The following ZSWIM6 variants were observed in gnomAD, a reference collection of about 807,000 sequenced individuals.
ZSWIM6 encodes the protein zinc finger SWIM domain-containing protein 6.
ZSWIM6 carries 9 observed loss-of-function variants against 113.2 expected under a neutral mutation model. That is an observed-to-expected ratio of 0.08 (90% confidence interval 0.05 to 0.14). ZSWIM6 has a LOEUF of 0.14. Among genes scored for constraint, ZSWIM6 ranks in the 10% least tolerant of loss-of-function variants. The pLI, the probability that ZSWIM6 is intolerant of heterozygous loss-of-function variation, is 1.00. For missense variants in ZSWIM6, 1,162 were observed against 1,552.2 expected (o/e 0.75, Z 4.22); for synonymous variants, 611 against 606.5 (o/e 1.01, Z -0.11).
chr5:61,352,685 G>C (rs147564246), intron 1 of ZSWIM6, among the ~76,000 whole-genome samples: 1 of 152,200 alleles, frequency 6.6e-6, no homozygotes, highest in African/African-American at 2.4e-5. Flanking sequence ...TTTAAGAAAC[G>C]GTATGCTATT....
intron 1 of ZSWIM6, among the ~76,000 whole-genome samples, chr5:61,409,925 A>G (rs1746121055): frequency 6.6e-6 from 1 of 152,206 alleles, no homozygotes; most frequent in African/African-American, 2.4e-5. Flanking sequence ...AGTTAATTTA[A>G]TTGATTTGAG....
At chr5:61,491,822 T>C (rs1299678039) in intron 3 of ZSWIM6, among the ~76,000 whole-genome samples, 1 of 152,016 alleles carries the variant, frequency 6.6e-6, no homozygotes, top group Non-Finnish European at 1.5e-5. Context: ...AGTTTTTTTT[T>C]TAGTTCAAAA....
chr5:61,418,037 A>G (rs974689696), intron 1 of ZSWIM6, among the ~76,000 whole-genome samples: 1 of 152,300 alleles, frequency 6.6e-6, no homozygotes, highest in Middle Eastern at 3.4e-3. Context: ...GCAGAGGTCT[A>G]AATATCTAGT....
chr5:61,462,459 G>A (rs920253721), intron 1 of ZSWIM6, among the ~76,000 whole-genome samples: 3 of 152,160 alleles, frequency 2.0e-5, no homozygotes, highest in African/African-American at 4.8e-5. Flanking sequence ...TTTTTAAAAT[G>A]TGCTATGTAA....
intron 4 of ZSWIM6, among the ~76,000 whole-genome samples, chr5:61,504,213 G>A (rs1341555374): frequency 1.3e-5 from 2 of 152,080 alleles, no homozygotes; most frequent in African/African-American, 4.8e-5. Context: ...CCACCCATGT[G>A]CACAATATTC....
chr5:61,369,010 C>A (rs557959645), intron 1 of ZSWIM6, among the ~76,000 whole-genome samples: 159 of 152,300 alleles, frequency 1.0e-3, no homozygotes, highest in Admixed American at 1.5e-3. Flanking sequence ...TTGAAAGATA[C>A]AAAGAAAGGT....
chr5:61,526,563 T>C (rs1580063619), intron 7 of ZSWIM6, among the ~76,000 whole-genome samples, 167 bp downstream of exon 7: 1 of 150,474 alleles, frequency 6.6e-6, no homozygotes, highest in Admixed American at 6.6e-5. Flanking sequence ...GGGGCATCTT[T>C]TTCTTAGTTG....
chr5:61,486,448 G>T (rs1427509959), intron 2 of ZSWIM6, among the ~76,000 whole-genome samples: 1 of 151,904 alleles, frequency 6.6e-6, no homozygotes, highest in African/African-American at 2.4e-5. Context: ...TTTTCCTCTG[G>T]GTAGATACCC....
At chr5:61,399,187 A>G (rs986587636) in intron 1 of ZSWIM6, among the ~76,000 whole-genome samples, 1 of 149,090 alleles carries the variant, frequency 6.7e-6, no homozygotes, top group African/African-American at 2.5e-5. Flanking sequence ...AGCCTCCCAA[A>G]GGGCTGGGAT....
At chr5:61,468,033 A>G (rs1561249625) in intron 1 of ZSWIM6, among the ~76,000 whole-genome samples, 1 of 152,228 alleles carries the variant, frequency 6.6e-6, no homozygotes, top group Non-Finnish European at 1.5e-5. Context: ...AAGGGAAATA[A>G]AATTTAATGA....
chr5:61,513,905 C>T (rs1340326356), intron 4 of ZSWIM6, among the ~76,000 whole-genome samples: 1 of 152,042 alleles, frequency 6.6e-6, no homozygotes, highest in African/African-American at 2.4e-5. Flanking sequence ...CTTCTTACAA[C>T]TTTGCCCTTT....
rs370795510 is a variant in ZSWIM6 at position 61,543,422 on chromosome 5, G to A, written c.2786-33G>A. 53 of 1,523,974 alleles carry A rather than the reference G, an allele frequency of 3.5e-5. No individual in the cohort carries two copies. Among genetic ancestry groups the A allele is most frequent in the Middle Eastern group, 3.6e-4 (2 of 5,610 alleles). 94.4% of individuals were successfully genotyped at this position (1,523,974 alleles called of 1,614,324 possible). On this transcript the variant is annotated intron_variant, in intron 13 of 13. Coordinates refer to ENST00000252744, the MANE Select transcript of ZSWIM6 (RefSeq NM_020928.2). The surrounding 1 kb of genome is among the most constrained non-coding windows in gnomAD (Gnocchi z 4.3). ...GGCAGGACCTCTGGGCAGCCTCCTC[G>A]TCAGTAATAGAGCCTGTTTGTGTTC...
intron 1 of ZSWIM6, among the ~76,000 whole-genome samples, chr5:61,397,625 A>G (rs1387391068): frequency 6.6e-6 from 1 of 152,250 alleles, no homozygotes; most frequent in Non-Finnish European, 1.5e-5. Flanking sequence ...AGTAGCACAC[A>G]CATTGAAAAT....
chr5:61,418,676 G>A (rs1746300377), intron 1 of ZSWIM6, among the ~76,000 whole-genome samples: 1 of 152,216 alleles, frequency 6.6e-6, no homozygotes, highest in African/African-American at 2.4e-5. Context: ...AAATATGGAT[G>A]TGGTACTTTA....
Position 61,494,353 on chromosome 5 carries a change from T to C in ZSWIM6, c.1276T>C (p.Trp426Arg). Reference protein sequence around the residue: ...QFMADPRLSLWRQQGTAMTDK... With the variant: ...QFMADPRLSLRRQQGTAMTDK... The stretch of plus-strand genomic sequence containing the variant: ...CATGGCTGACCCTCGCCTGTCACTT[T>C]GGCGGCAACAAGGCACTGCAATGAC... Residue 426 changes from tryptophan (W) to arginine (R), a missense_variant, in exon 4 of 14, where the codon TGG becomes CGG. Physicochemically the swap from Trp to Arg is moderately radical, Grantham distance 101 (BLOSUM62 -3). Coordinates refer to ENST00000252744, the MANE Select transcript of ZSWIM6 (RefSeq NM_020928.2). The C allele has an allele frequency of 6.4e-7, 1 of 1,551,172 alleles. No homozygotes were observed. Among genetic ancestry groups the C allele is most frequent in the Non-Finnish European group, 8.7e-7 (1 of 1,146,596 alleles).
chr5:61,533,626 T>G (rs1749500956), intron 9 of ZSWIM6, among the ~76,000 whole-genome samples: 1 of 152,174 alleles, frequency 6.6e-6, no homozygotes, highest in African/African-American at 2.4e-5. Context: ...AATAATTGAT[T>G]ATGTATCCTG....
intron 1 of ZSWIM6, among the ~76,000 whole-genome samples, chr5:61,384,501 A>G (rs1745554002): frequency 6.6e-6 from 1 of 152,168 alleles, no homozygotes; most frequent in South Asian, 2.1e-4. Context: ...CACTCTCATA[A>G]AACCTGATGA....
chr5:61,504,760 A>G (rs764045047), intron 4 of ZSWIM6, among the ~76,000 whole-genome samples: 17 of 152,130 alleles, frequency 1.1e-4, no homozygotes, highest in African/African-American at 1.9e-4. Context: ...ATGGAGGGGC[A>G]TTGTATCAGT....
chr5:61,451,290 A>G (rs1015231518), intron 1 of ZSWIM6, among the ~76,000 whole-genome samples: 3 of 152,228 alleles, frequency 2.0e-5, no homozygotes, highest in African/African-American at 7.2e-5. Context: ...AACTGACAGA[A>G]TAACTACTTT....
Sources: gnomAD v4.1 joint callset for allele counts (sites outside exome capture counted in the v4.1 genomes callset) on GRCh38, gnomAD v4.1.1 for gene constraint, Gnocchi (gnomAD v3.1) non-coding constraint, MANE v1.5 for transcripts, NCBI Gene and HGNC (gene_info 2026-07-23, HGNC 2026-07-21) for gene names.